ZFHX3: variants seen among roughly 807,000 people sequenced by gnomAD.
ZFHX3 encodes zinc finger homeobox 3.
A neutral mutation model predicts 279.1 loss-of-function variants in ZFHX3; 42 were observed. That is an observed-to-expected ratio of 0.15 (90% CI 0.12 to 0.19). ZFHX3 has a LOEUF of 0.19. ZFHX3 is among the 10% of genes least tolerant of loss of function. ZFHX3 has a pLI of 1.00. For missense variants in ZFHX3, 4,981 were observed against 4,754.0 expected (o/e 1.05, Z -1.40); for synonymous variants, 2,293 against 1,957.8 (o/e 1.17, Z -4.52).
intron 3 of ZFHX3, among the ~76,000 whole-genome samples, chr16:72,895,192 T>A (rs970189810): frequency 1.3e-5 from 2 of 152,094 alleles, no homozygotes; most frequent in Middle Eastern, 3.2e-3. Context: ...AACCTGCAGG[T>A]GATGCAGGCA....
At chr16:73,695,931 G>T (rs1267199040) in intron 1 of ZFHX3, among the ~76,000 whole-genome samples, 1 of 152,206 alleles carries the variant, frequency 6.6e-6, no homozygotes, top group Non-Finnish European at 1.5e-5. Flanking sequence ...AGCAACAAAG[G>T]AGAGGGGGTA....
chr16:73,741,682 A>G (rs1271581680), intron 1 of ZFHX3, among the ~76,000 whole-genome samples: 1 of 152,120 alleles, frequency 6.6e-6, no homozygotes, highest in Non-Finnish European at 1.5e-5. Context: ...TTTCCAGACT[A>G]CCCACATTTG....
At chr16:73,675,905 A>G (rs2052949698) in intron 2 of ZFHX3, among the ~76,000 whole-genome samples, 1 of 152,116 alleles carries the variant, frequency 6.6e-6, no homozygotes, top group Non-Finnish European at 1.5e-5. Flanking sequence ...TAATACAACA[A>G]AATTACAAAA....
intron 1 of ZFHX3, among the ~76,000 whole-genome samples, chr16:73,741,659 C>A (rs772878317): frequency 3.3e-5 from 5 of 152,300 alleles, no homozygotes; most frequent in South Asian, 4.1e-4. Context: ...AAGTAGGAGA[C>A]AAAATGCCAT....
intron 1 of ZFHX3, among the ~76,000 whole-genome samples, chr16:73,756,319 A>G (rs1422580031): frequency 6.6e-6 from 1 of 152,136 alleles, no homozygotes; most frequent in East Asian, 1.9e-4. Flanking sequence ...TTAGAGTATA[A>G]TCTGATAGGC....
Position 72,959,828 on chromosome 16 carries a change from T to C in ZFHX3, c.318A>G (p.Pro106=). Residue 106 remains proline (P), a synonymous_variant, in exon 2 of 10, where the codon CCA becomes CCG. Transcript: ENST00000268489. ...CGCTGGCGCTCTCCTCTCTCAGGGG[T>C]GGCGGGGGGCGCGCGCTGGGGCAGT... is the stretch of plus-strand genomic sequence containing the variant. ...EHHCPSARPP[P]PLREESASDT... is the part of the protein sequence containing the mutation. The C allele has an allele frequency of 6.3e-7, 1 of 1,593,736 alleles. No homozygotes were observed. The highest frequency in any genetic ancestry group is 8.6e-7 in the Non-Finnish European group (1 of 1,167,948).
At chr16:73,755,779 G>A (rs746009838) in intron 1 of ZFHX3, among the ~76,000 whole-genome samples, 13 of 152,084 alleles carry the variant, frequency 8.5e-5, no homozygotes, top group South Asian at 2.1e-4. Flanking sequence ...CCATGATGTC[G>A]GCAAGAGATT....
intron 2 of ZFHX3, 49 bp from the exon 3 acceptor site, chr16:72,951,014 C>T (rs748120646): frequency 2.0e-5 from 31 of 1,578,022 alleles, no homozygotes; most frequent in Non-Finnish European, 2.4e-5. Context: ...CTCATGGTCA[C>T]GGCCACAGCT....
rs79015939 is a variant in ZFHX3, at chr16:73,343,013, A to G, written c.-1290-24677T>C. On this transcript the variant is annotated intron_variant, in intron 3 of 17. Coordinates refer to the ZFHX3 transcript ENST00000641206. ...TAGCAGGTATGTTTTTCACAGTGCTATGCATGAACAATTCCAAAACAACTT... is the reference window on the plus strand; with the variant it reads ...TAGCAGGTATGTTTTTCACAGTGCTGTGCATGAACAATTCCAAAACAACTT... Among the ~76,000 whole-genome samples the G allele has an allele frequency of 2.7e-3, 418 of 152,358 alleles. 2 individuals are homozygous for G. The highest frequency in any genetic ancestry group is 5.3e-3 in the Non-Finnish European group (360 of 68,040).
intron 2 of ZFHX3, among the ~76,000 whole-genome samples, chr16:73,600,363 A>G (rs1200380857): frequency 6.6e-6 from 1 of 151,152 alleles, no homozygotes; most frequent in African/African-American, 2.4e-5. Flanking sequence ...TCCTTGTCCC[A>G]TATTTCCATG....
chr16:73,447,648 A>G (rs544251516), intron 3 of ZFHX3, among the ~76,000 whole-genome samples: 1 of 152,294 alleles, frequency 6.6e-6, no homozygotes, highest in South Asian at 2.1e-4. Context: ...AACTCTTCCC[A>G]CTAAAGACCC....
At chr16:73,242,779 T>C (rs2013162949) in intron 5 of ZFHX3, among the ~76,000 whole-genome samples, 1 of 152,206 alleles carries the variant, frequency 6.6e-6, no homozygotes, top group Non-Finnish European at 1.5e-5. Flanking sequence ...AAGCCTGTCT[T>C]AACGAGCGGA....
chr16:73,290,653 T>C (rs1233008200), intron 4 of ZFHX3, among the ~76,000 whole-genome samples: 2 of 152,216 alleles, frequency 1.3e-5, no homozygotes, highest in African/African-American at 4.8e-5. Context: ...TCTTCTACTA[T>C]GCTACATGTC....
intron 2 of ZFHX3, chr16:73,499,170 T>C (rs372720322): frequency 5.3e-5 from 8 of 152,242 alleles, no homozygotes; most frequent in East Asian, 1.9e-4. Context: ...CTGACAGGCA[T>C]CCTCTCAGTC....
intron 4 of ZFHX3, among the ~76,000 whole-genome samples, chr16:73,316,331 G>GCTGC (rs2015446903): frequency 6.6e-6 from 1 of 152,140 alleles, no homozygotes. Flanking sequence ...CCAGGCACAG[G>GCTGC]CTGCCTCCCT....
At chr16:73,783,372 T>C (rs1003884803) in intron 1 of ZFHX3, among the ~76,000 whole-genome samples, 1 of 152,184 alleles carries the variant, frequency 6.6e-6, no homozygotes, top group Non-Finnish European at 1.5e-5. Context: ...CCCTTAGTCA[T>C]GTTGTTCCCC....
At chr16:73,015,424 C>A (rs115598102) in intron 1 of ZFHX3, 1 of 152,126 alleles carries the variant, frequency 6.6e-6, no homozygotes, top group Non-Finnish European at 1.5e-5. Flanking sequence ...CCTGGCCTAC[C>A]GCATTTGAGA....
intron 3 of ZFHX3, among the ~76,000 whole-genome samples, chr16:73,405,433 G>A (rs563077289): frequency 5.9e-5 from 9 of 152,266 alleles, no homozygotes; most frequent in Middle Eastern, 6.8e-3. Context: ...GGGGATTTTG[G>A]AGTTGTTTAT....
At chr16:73,220,543 C>T (rs1006645576) in intron 5 of ZFHX3, among the ~76,000 whole-genome samples, 3 of 152,106 alleles carry the variant, frequency 2.0e-5, no homozygotes, top group African/African-American at 4.8e-5. Flanking sequence ...AGTGTGCACC[C>T]TAAAACTCCA....
Sources: allele counts gnomAD v4.1 joint callset (sites outside exome capture counted in the v4.1 genomes callset), GRCh38; gene constraint gnomAD v4.1.1; transcripts MANE v1.5; gene names NCBI Gene and HGNC (gene_info 2026-07-23, HGNC 2026-07-21).